ADGRB3: variants seen among roughly 807,000 people sequenced by gnomAD.
ADGRB3 encodes the protein brain-specific angiogenesis inhibitor 3.
Under a neutral mutation model 193.4 loss-of-function variants are expected in ADGRB3, and 37 were observed. The observed-to-expected ratio is 0.19, with a 90% confidence interval of 0.15 to 0.25. The LOEUF is 0.25. Among genes scored for constraint, ADGRB3 ranks in the 10% least tolerant of loss-of-function variants. ADGRB3 has a pLI of 1.00. For synonymous variants in ADGRB3, 690 were observed against 644.2 expected (o/e 1.07, Z -1.08); for missense variants, 1,637 against 1,852.9 (o/e 0.88, Z 2.14).
intron 10 of ADGRB3, among the ~76,000 whole-genome samples, chr6:68,982,429 C>T (rs1768943648): frequency 6.6e-6 from 1 of 152,144 alleles, no homozygotes; most frequent in Non-Finnish European, 1.5e-5. Flanking sequence ...ACTATATCTG[C>T]TTAGGCTGCC....
chr6:68,875,366 A>T (rs1765570593), intron 3 of ADGRB3, among the ~76,000 whole-genome samples: 1 of 143,906 alleles, frequency 6.9e-6, no homozygotes. Context: ...AAATCAGCTG[A>T]TATATTTGGT....
chr6:69,135,164 A>G (rs1402951741), intron 17 of ADGRB3, among the ~76,000 whole-genome samples: 1 of 152,062 alleles, frequency 6.6e-6, no homozygotes, highest in Non-Finnish European at 1.5e-5. Context: ...TAAAATTCCA[A>G]ATAAGTACCA....
intron 15 of ADGRB3, among the ~76,000 whole-genome samples, chr6:69,052,950 C>A (rs1478839602): frequency 6.6e-6 from 1 of 152,118 alleles, no homozygotes; most frequent in Non-Finnish European, 1.5e-5. Context: ...CTTTGGGAGG[C>A]CGAGGCGGGT....
chr6:68,877,868 T>C (rs575271375), intron 3 of ADGRB3, among the ~76,000 whole-genome samples: 191 of 152,210 alleles, frequency 1.3e-3, no homozygotes, highest in Admixed American at 2.7e-3. Context: ...CTATCACTCC[T>C]ATCTTGTTTT....
chr6:68,788,122 T>C (rs1302938799), intron 3 of ADGRB3, among the ~76,000 whole-genome samples: 4 of 152,198 alleles, frequency 2.6e-5, no homozygotes, highest in Admixed American at 2.6e-4. Flanking sequence ...GATTCATTAA[T>C]TTTTTGAAGG....
chr6:68,787,847 A>T (rs1436065151), intron 3 of ADGRB3, among the ~76,000 whole-genome samples: 3 of 152,176 alleles, frequency 2.0e-5, no homozygotes, highest in Admixed American at 6.5e-5. Flanking sequence ...TTATTGGTCT[A>T]TTCAGAGATT....
chr6:69,195,338 C>T (rs1195691681), intron 17 of ADGRB3, among the ~76,000 whole-genome samples: 1 of 151,702 alleles, frequency 6.6e-6, no homozygotes, highest in Non-Finnish European at 1.5e-5. Flanking sequence ...GAGACCAGGC[C>T]TGGCAACATA....
At chr6:69,131,432 G>A (rs1360453808) in intron 17 of ADGRB3, among the ~76,000 whole-genome samples, 8 of 151,878 alleles carry the variant, frequency 5.3e-5, no homozygotes, top group Admixed American at 3.3e-4. Flanking sequence ...CCTATCTCAA[G>A]TTTTTGGGGT....
At chr6:69,327,770 G>T in intron 21 of ADGRB3, 50 bp from the exon 22 acceptor site, 1 of 1,545,938 alleles carries the variant, frequency 6.5e-7, no homozygotes, top group Non-Finnish European at 8.9e-7. Context: ...AGACCAGTAT[G>T]CATAGTGGTT....
chr6:68,640,362 G>A (rs910286556), intron 3 of ADGRB3, among the ~76,000 whole-genome samples: 7 of 152,232 alleles, frequency 4.6e-5, no homozygotes, highest in African/African-American at 1.7e-4. Context: ...CAGTGGGGGA[G>A]CTACCAGAGG....
At chr6:68,781,706 T>C (rs1766855707) in intron 3 of ADGRB3, among the ~76,000 whole-genome samples, 1 of 151,972 alleles carries the variant, frequency 6.6e-6, no homozygotes, top group African/African-American at 2.4e-5. Context: ...AACTTAAGGT[T>C]AACCACCAAC....
chr6:69,369,909 G>C (rs1003735405), intron 29 of ADGRB3, among the ~76,000 whole-genome samples: 1 of 151,974 alleles, frequency 6.6e-6, no homozygotes, highest in Admixed American at 6.6e-5. Flanking sequence ...AAGTTAACCT[G>C]CTTGACCTTG....
At chr6:69,212,753 G>A (rs769398380) in intron 17 of ADGRB3, among the ~76,000 whole-genome samples, 8 of 152,118 alleles carry the variant, frequency 5.3e-5, no homozygotes, top group Non-Finnish European at 8.8e-5. Flanking sequence ...AGAGGAATGG[G>A]TAGTGTTTGA....
chr6:68,770,341 A>G (rs190421004), intron 3 of ADGRB3, among the ~76,000 whole-genome samples: 130 of 152,252 alleles, frequency 8.5e-4, no homozygotes, highest in Non-Finnish European at 1.3e-3. Flanking sequence ...GTCACTTTGC[A>G]CATTATTTGT....
intron 17 of ADGRB3, among the ~76,000 whole-genome samples, chr6:69,100,946 GAAAGGAGGGAGGGAGGGAGAA>G (rs1773033980): frequency 2.8e-4 from 2 of 7,068 alleles, no homozygotes; most frequent in Admixed American, 1.3e-3. Flanking sequence ...GGGAAGGAAG[GAAAGGAGGGAGGGAGGGAGAA>G]AGGGAAGGAA....
intron 17 of ADGRB3, among the ~76,000 whole-genome samples, chr6:69,229,728 AG>A (rs1181813539): frequency 6.6e-6 from 1 of 152,184 alleles, no homozygotes; most frequent in African/African-American, 2.4e-5. Context: ...CATTGGAGTA[AG>A]CTGATAACTT....
chr6:68,869,556 G>A (rs1311376327), intron 3 of ADGRB3, among the ~76,000 whole-genome samples: 3 of 152,244 alleles, frequency 2.0e-5, no homozygotes, highest in Middle Eastern at 3.4e-3. Context: ...AACATTTGTA[G>A]AGCCAAATTA....
At chr6:69,008,990 G>C (rs998490821) in intron 11 of ADGRB3, among the ~76,000 whole-genome samples, 4 of 151,900 alleles carry the variant, frequency 2.6e-5, no homozygotes, top group Admixed American at 2.6e-4. Flanking sequence ...TCAAAAAAGA[G>C]GCAGGAAATT....
At chr6:68,977,537 A>G (rs935464212) in intron 10 of ADGRB3, among the ~76,000 whole-genome samples, 1 of 152,156 alleles carries the variant, frequency 6.6e-6, no homozygotes, top group Non-Finnish European at 1.5e-5. Context: ...AGTGCAGGCC[A>G]TCTGATAATG....
Sources: gnomAD v4.1 joint callset for allele counts (sites outside exome capture counted in the v4.1 genomes callset) on GRCh38, gnomAD v4.1.1 for gene constraint, MANE v1.5 for transcripts, NCBI Gene and HGNC (gene_info 2026-07-23, HGNC 2026-07-21) for gene names.